Variants in ANK2 observed in about 807,000 individuals in gnomAD.
ANK2 encodes the protein ankyrin 2.
ANK2 carries 83 observed loss-of-function variants against 360.5 expected under a neutral mutation model. The observed-to-expected ratio is 0.23, with a 90% CI of 0.19 to 0.28. The LOEUF (loss-of-function observed/expected upper bound fraction) is 0.28. ANK2 is among the 10% of genes least tolerant of loss of function. The probability of loss-of-function intolerance (pLI) is 1.00; values close to 1 mark genes in which losing one functional copy is unlikely to be tolerated. For synonymous variants in ANK2, 1,740 were observed against 1,759.5 expected (o/e 0.99, Z 0.28); for missense variants, 4,201 against 4,795.7 (o/e 0.88, Z 3.66).
At chr4:113,047,807 G>A (rs1336150459), upstream of ANK2, among the ~76,000 whole-genome samples, 1 of 152,092 alleles carries the variant, frequency 6.6e-6, no homozygotes, top group Non-Finnish European at 1.5e-5. Flanking sequence ...GAGGGAGTGA[G>A]GGGCAGCAAA....
intron 2 of ANK2, among the ~76,000 whole-genome samples, chr4:113,019,120 T>C (rs1419681283): frequency 1.3e-5 from 2 of 152,206 alleles, no homozygotes; most frequent in East Asian, 3.8e-4. Context: ...TATGTTCAGG[T>C]TATATGTATA....
chr4:113,255,596 T>G (rs2048868998), intron 10 of ANK2, 139 bp from the exon 11 acceptor site: 1 of 799,362 alleles, frequency 1.3e-6, no homozygotes, highest in East Asian at 2.6e-5. Flanking sequence ...GTCTGCTGTA[T>G]ATTCTGATGT....
chr4:112,721,541 CAAAAAAAAAAA>C, the ANK2 span, among the ~76,000 whole-genome samples: 1 of 46,876 alleles, frequency 2.1e-5, no homozygotes, highest in African/African-American at 9.7e-5. Flanking sequence ...GACCCCATCT[CAAAAAAAAAAA>C]AAAAAAAAAA....
chr4:112,925,641 A>G (rs913311322), intron 2 of ANK2, among the ~76,000 whole-genome samples: 7 of 152,246 alleles, frequency 4.6e-5, no homozygotes, highest in Admixed American at 1.3e-4. Context: ...AATTAATAAA[A>G]TCAAAAGGTA....
chr4:113,186,535 C>T (rs1165547475), intron 2 of ANK2, among the ~76,000 whole-genome samples: 1 of 146,424 alleles, frequency 6.8e-6, no homozygotes, highest in East Asian at 2.0e-4. Context: ...CCCATCCCTC[C>T]CTCCCCTCCT....
At chr4:113,364,061 G>T (rs2096394512) in intron 40 of ANK2, among the ~76,000 whole-genome samples, 1 of 152,128 alleles carries the variant, frequency 6.6e-6, no homozygotes, top group Admixed American at 6.5e-5. Flanking sequence ...ATTTGTTATT[G>T]TTTGTTTATG....
In ANK2 at chr4:113,199,164, TG is replaced by T. The variant is rs1324801146; in HGVS notation, c.384+56del. 65 of 1,391,482 alleles carry T rather than the reference TG, an allele frequency of 4.7e-5. No homozygotes were observed. In the East Asian group the frequency reaches 1.5e-3, roughly 32 times the overall value. The allele number at this position is 1,391,482 out of a possible 1,614,324, so 86.2% of individuals were successfully genotyped here. ...ATACATTTAAATTAGAACAGTTTTG[TG>T]AAATTGATTTAATGTGTTTAGCTAG... On this transcript the variant is annotated intron_variant, in intron 4 of 45. Coordinates refer to ENST00000357077, the MANE Select transcript of ANK2 (RefSeq NM_001148.6).
chr4:112,963,161 C>G (rs1327014565), intron 2 of ANK2, among the ~76,000 whole-genome samples: 1 of 152,128 alleles, frequency 6.6e-6, no homozygotes, highest in Non-Finnish European at 1.5e-5. Flanking sequence ...TTTCCCTTCT[C>G]TGAAAGCAAT....
chr4:113,346,188 G>A (rs544078930), intron 35 of ANK2, among the ~76,000 whole-genome samples, 166 bp downstream of exon 35: 7 of 152,272 alleles, frequency 4.6e-5, no homozygotes, highest in African/African-American at 1.2e-4. Context: ...TAATAATCAC[G>A]TTTGATTCTC....
At chr4:112,922,956 AAT>A in intron 2 of ANK2, among the ~76,000 whole-genome samples, 1 of 152,306 alleles carries the variant, frequency 6.6e-6, no homozygotes, top group South Asian at 2.1e-4. Flanking sequence ...AAGAAAAGAT[AAT>A]ATCTTACATA....
chr4:113,250,795 A>G (rs1314361070), intron 10 of ANK2, among the ~76,000 whole-genome samples: 3 of 121,160 alleles, frequency 2.5e-5, no homozygotes, highest in African/African-American at 6.0e-5. Flanking sequence ...TAATGCTATT[A>G]CTAGGGTAAG....
At chr4:113,239,899 C>T (rs1016696097) in intron 7 of ANK2, among the ~76,000 whole-genome samples, 2 of 151,988 alleles carry the variant, frequency 1.3e-5, no homozygotes, top group African/African-American at 4.8e-5. Context: ...ATTATTTCAT[C>T]ATGACAACAA....
intron 2 of ANK2, among the ~76,000 whole-genome samples, chr4:113,190,135 A>G (rs1365113266): frequency 1.3e-5 from 2 of 151,884 alleles, no homozygotes; most frequent in African/African-American, 4.8e-5. Context: ...TTTACTTAGC[A>G]TTTACTTTTA....
chr4:113,350,333 T>C, intron 37 of ANK2, 84 bp downstream of exon 37: 1 of 1,147,194 alleles, frequency 8.7e-7, no homozygotes, highest in Non-Finnish European at 1.3e-6. Flanking sequence ...CTAGTTGCTA[T>C]TACTAACCAC....
intron 2 of ANK2, among the ~76,000 whole-genome samples, chr4:112,983,281 T>G (rs187243259): frequency 6.6e-6 from 1 of 152,298 alleles, no homozygotes; most frequent in African/African-American, 2.4e-5. Flanking sequence ...ATAAAATAAT[T>G]ATTTAGGTAG....
chr4:113,153,438 C>T (rs565083360), intron 1 of ANK2, among the ~76,000 whole-genome samples: 3 of 152,196 alleles, frequency 2.0e-5, no homozygotes, highest in Non-Finnish European at 2.9e-5. Flanking sequence ...CTGGTTGTTA[C>T]ATATGAACTT....
rs533638195 is a variant in ANK2, at chr4:113,220,646, A to AT, written c.385-11510dup. Among the ~76,000 whole-genome samples the AT allele has an allele frequency of 5.1e-3, 782 of 152,288 alleles. 12 individuals are homozygous for AT. The highest frequency in any genetic ancestry group is 0.018 in the African/African-American group (751 of 41,554). ...TAACAGTTTAGCAAGGTCTTTGTTC[A>AT]TTTTTGCAAAGTGAAACAGAGAGAG... On this transcript the variant is annotated intron_variant, in intron 4 of 45. Coordinates refer to ENST00000357077, the MANE Select transcript of ANK2 (RefSeq NM_001148.6).
chr4:112,925,605 A>T (rs944858548), intron 2 of ANK2, among the ~76,000 whole-genome samples: 44 of 152,228 alleles, frequency 2.9e-4, no homozygotes, highest in African/African-American at 1.0e-3. Flanking sequence ...AATAATAGTG[A>T]TAGTAAATAC....
chr4:112,808,247 G>A, the ANK2 span, among the ~76,000 whole-genome samples: 1 of 152,178 alleles, frequency 6.6e-6, no homozygotes, highest in Non-Finnish European at 1.5e-5. Context: ...TTAGATCTGG[G>A]TTCCCTATTT....
Sources: allele counts gnomAD v4.1 joint callset (sites outside exome capture counted in the v4.1 genomes callset), GRCh38; gene constraint gnomAD v4.1.1; transcripts MANE v1.5; gene names NCBI Gene and HGNC (gene_info 2026-07-23, HGNC 2026-07-21).